ANKRD6: variants seen among roughly 807,000 people sequenced by gnomAD.
ANKRD6 encodes ankyrin repeat domain-containing protein 6.
ANKRD6 carries 56 observed loss-of-function variants against 82.3 expected under a neutral mutation model. The observed-to-expected ratio is 0.68, with a 90% CI of 0.55 to 0.85. The LOEUF (loss-of-function observed/expected upper bound fraction) is 0.85, where lower values mean the gene tolerates loss of function less well. Among genes scored for constraint, ANKRD6 ranks in the 40% least tolerant of loss-of-function variants. The pLI is 0.00. For synonymous variants in ANKRD6, 347 were observed against 352.1 expected, an observed-to-expected ratio of 0.99 and a Z score of 0.16; for missense variants, 852 against 907.6, an observed-to-expected ratio of 0.94 and a Z score of 0.79.
chr6:89,534,326 C>G (rs747123966), intron 1 of ANKRD6, among the ~76,000 whole-genome samples: 9 of 151,820 alleles, frequency 5.9e-5, no homozygotes, highest in Non-Finnish European at 1.2e-4. Flanking sequence ...AGGTGTAAAG[C>G]CTATAATTAC....
intron 1 of ANKRD6, among the ~76,000 whole-genome samples, chr6:89,477,615 C>CA (rs1368652599): frequency 2.0e-5 from 3 of 151,400 alleles, no homozygotes; most frequent in Non-Finnish European, 2.9e-5. Flanking sequence ...ACTAAAAATA[C>CA]AAAAAATTAG....
chr6:89,612,713 TA>T (rs1306791196), intron 6 of ANKRD6, among the ~76,000 whole-genome samples: 2 of 152,220 alleles, frequency 1.3e-5, no homozygotes, highest in African/African-American at 2.4e-5. Flanking sequence ...TTGAGTGTTG[TA>T]CTATTATCAG....
intron 1 of ANKRD6, among the ~76,000 whole-genome samples, chr6:89,494,183 C>A (rs1778342116): frequency 1.3e-5 from 2 of 152,018 alleles, no homozygotes; most frequent in Admixed American, 1.3e-4. Context: ...GCGTTGGTAG[C>A]CAAGGAAAAG....
At chr6:89,498,150 T>C (rs1407261575) in intron 1 of ANKRD6, among the ~76,000 whole-genome samples, 1 of 152,224 alleles carries the variant, frequency 6.6e-6, no homozygotes, top group African/African-American at 2.4e-5. Context: ...CACTCCCAGA[T>C]TCAGTAATTA....
intron 1 of ANKRD6, among the ~76,000 whole-genome samples, chr6:89,502,516 T>TAA (rs34938919): frequency 0.011 from 1,557 of 148,272 alleles, 41 homozygotes; most frequent in African/African-American, 0.036. Flanking sequence ...CGTTATTATT[T>TAA]AAAAAAAAAA....
intron 1 of ANKRD6, among the ~76,000 whole-genome samples, chr6:89,564,709 T>C (rs1372264487): frequency 6.6e-6 from 1 of 152,334 alleles, no homozygotes; most frequent in Non-Finnish European, 1.5e-5. Context: ...GGCTAAGCCA[T>C]GGAGCAGAAT....
chr6:89,545,761 C>G (rs1785011167), intron 1 of ANKRD6, among the ~76,000 whole-genome samples: 1 of 152,178 alleles, frequency 6.6e-6, no homozygotes, highest in African/African-American at 2.4e-5. Flanking sequence ...CTACCATTTA[C>G]TGACCATTAT....
chr6:89,553,599 T>C (rs1786158403), intron 1 of ANKRD6, among the ~76,000 whole-genome samples: 1 of 152,164 alleles, frequency 6.6e-6, no homozygotes, highest in Non-Finnish European at 1.5e-5. Context: ...TTCAAGCTTA[T>C]GGTGCAGAAT....
intron 2 of ANKRD6, among the ~76,000 whole-genome samples, chr6:89,585,743 TA>T (rs1053502285): frequency 6.6e-6 from 1 of 152,110 alleles, no homozygotes; most frequent in Admixed American, 6.5e-5. Context: ...ACCCTGTCTC[TA>T]AAAAAATACA....
intron 1 of ANKRD6, among the ~76,000 whole-genome samples, chr6:89,488,830 C>T (rs1401317152): frequency 6.6e-6 from 1 of 151,992 alleles, no homozygotes. Context: ...AACATACACA[C>T]AAATGAAACA....
chr6:89,584,099 C>G (rs776706608), intron 2 of ANKRD6, among the ~76,000 whole-genome samples: 4 of 152,232 alleles, frequency 2.6e-5, no homozygotes, highest in Non-Finnish European at 4.4e-5. Context: ...CCTAACCACT[C>G]TAGACGAGAC....
At position 89,633,538 on chromosome 6, in the gene ANKRD6, AAC is replaced by A. The variant is rs757229568; in HGVS notation, c.*2538_*2539del. The A allele has an allele frequency of 4.6e-5, 7 of 152,378 alleles. No individual in the cohort carries two copies. The highest frequency in any genetic ancestry group is 7.3e-5 in the Non-Finnish European group (5 of 68,042). 9.4% of individuals were successfully genotyped at this position (152,378 alleles called of 1,614,324 possible). A position where few individuals can be genotyped will look rare whatever the true frequency, so the allele number is the denominator to read the frequency against. On this transcript the variant is annotated 3_prime_UTR_variant, in exon 16 of 16. Transcript: ENST00000339746. ...TTTCAACAGCTGTGGGAAAAACTAA[AAC>A]ACAGAAATACTGTACAGTATTAGTG...
At chr6:89,445,028 T>A (rs1390903776) in intron 1 of ANKRD6, among the ~76,000 whole-genome samples, 1 of 152,102 alleles carries the variant, frequency 6.6e-6, no homozygotes, top group Non-Finnish European at 1.5e-5. Flanking sequence ...GCTCCCCTAG[T>A]CCCTAGATAT....
chr6:89,486,702 G>A (rs894864191), intron 1 of ANKRD6, among the ~76,000 whole-genome samples: 2 of 152,002 alleles, frequency 1.3e-5, no homozygotes, highest in Non-Finnish European at 2.9e-5. Context: ...TCAAACTCCC[G>A]GGCTCAAGCG....
intron 2 of ANKRD6, among the ~76,000 whole-genome samples, chr6:89,587,908 G>T (rs1794102316): frequency 1.3e-5 from 2 of 152,174 alleles, no homozygotes; most frequent in Non-Finnish European, 2.9e-5. Context: ...TAAATGTAAA[G>T]TTTTATTTTC....
rs2127912283 is a variant in ANKRD6 at position 89,433,577 on chromosome 6, C to T, written c.-144+202C>T. Among the ~76,000 whole-genome samples, 1 of 152,336 alleles carries T rather than the reference C, an allele frequency of 6.6e-6. No homozygotes were observed. Among genetic ancestry groups the T allele is most frequent in the South Asian group, 2.1e-4 (1 of 4,830 alleles). ...AAAACGCCCGGCGCGAGGGGGTCCC[C>T]CCGGGGCGCCTCCCTCTTCGCCTGG... On this transcript the variant is annotated intron_variant, in intron 1 of 15. Transcript: ENST00000339746. This position sits in a 1 kb window ranked among gnomAD's most constrained non-coding sequence, Gnocchi z 4.3.
Position 89,606,119 on chromosome 6 carries a change from G to A in ANKRD6, c.417+14G>A. ...GCCAAGAACAAGGTGAGGCCTGGCAGATGCTAGAATGCCTCATTCACAGGT... is the reference window on the plus strand; with the variant it reads ...GCCAAGAACAAGGTGAGGCCTGGCAAATGCTAGAATGCCTCATTCACAGGT... On this transcript the variant is annotated intron_variant, in intron 5 of 15. Transcript: ENST00000339746. The A allele has an allele frequency of 6.5e-7, 1 of 1,540,146 alleles. No homozygotes were observed. The highest frequency in any genetic ancestry group is 8.8e-7 in the Non-Finnish European group (1 of 1,137,578).
In ANKRD6 at chr6:89,612,296, G is replaced by T. The variant is rs763076178; in HGVS notation, c.442G>T (p.Ala148Ser). The T allele has an allele frequency of 3.2e-6, 5 of 1,560,772 alleles. No homozygotes were observed. Among genetic ancestry groups the T allele is most frequent in the Non-Finnish European group, 4.3e-6 (5 of 1,152,002 alleles). Residue 148 changes from alanine to serine, a missense_variant, in exon 6 of 16, where the codon GCC becomes TCC. Physicochemically the swap from Ala to Ser is moderately conservative, Grantham distance 99. Coordinates refer to ENST00000339746, the MANE Select transcript of ANKRD6 (RefSeq NM_001242809.2). ...NKAGNTALHL[A>S]CQNSHSQSTR... ...GGCGGGGAACACAGCTCTGCACCTG[G>T]CCTGCCAGAACAGCCACTCCCAGAG...
chr6:89,570,861 A>G (rs917191058), intron 2 of ANKRD6, among the ~76,000 whole-genome samples: 1 of 152,186 alleles, frequency 6.6e-6, no homozygotes, highest in African/African-American at 2.4e-5. Context: ...ATGGGTATAC[A>G]TGGGTGTTTG....
Sources: gnomAD v4.1 joint callset for allele counts (sites outside exome capture counted in the v4.1 genomes callset) on GRCh38, gnomAD v4.1.1 for gene constraint, Gnocchi (gnomAD v3.1) non-coding constraint, MANE v1.5 for transcripts, NCBI Gene and HGNC (gene_info 2026-07-23, HGNC 2026-07-21) for gene names.